Variants in ABHD1 observed in about 807,000 individuals in gnomAD.
ABHD1 encodes protein ABHD1.
In ABHD1, 47 loss-of-function variants were observed where a neutral mutation model predicts 41.4. The ratio of observed to expected loss-of-function variants is 1.13; its 90% confidence interval spans 0.90 to 1.45. ABHD1 has a LOEUF of 1.45. ABHD1 is among the 40% of genes most tolerant of loss of function. The probability of loss-of-function intolerance (pLI) is 0.00; values close to 1 mark genes in which losing one functional copy is unlikely to be tolerated. For synonymous variants in ABHD1, 205 were observed against 203.7 expected, an observed-to-expected ratio of 1.01 and a Z score of -0.05; for missense variants, 550 against 503.4, an observed-to-expected ratio of 1.09 and a Z score of -0.89.
chr2:27,125,269 T>C (rs1385496481), intron 1 of ABHD1: 1 of 152,232 alleles, frequency 6.6e-6, no homozygotes, highest in Non-Finnish European at 1.5e-5. Flanking sequence ...AGGAAACACT[T>C]TCCTTTACTT....
intron 1 of ABHD1, among the ~76,000 whole-genome samples, chr2:27,127,237 T>C (rs1558473126): frequency 3.8e-5 from 2 of 51,958 alleles, no homozygotes; most frequent in East Asian, 5.6e-4. Context: ...TAGCTTCATC[T>C]TTTTTTTTTT....
In ABHD1 at chr2:27,130,557, A is replaced by T; in HGVS notation, c.1031A>T (p.His344Leu). The T allele has an allele frequency of 6.2e-7, 1 of 1,612,904 alleles. No individual in the cohort carries two copies. The highest frequency in any genetic ancestry group is 8.5e-7 in the Non-Finnish European group (1 of 1,179,752). Residue 344 changes from histidine (H) to leucine (L), a missense_variant, in exon 9 of 9, where the codon CAC becomes CTC. Transcript: ENST00000316470. ...GCCCTTCCCATACAGGCCGCCCAACACTCCCCCTACGTTGCGCTGCTCATC... is the reference window on the plus strand; with the variant it reads ...GCCCTTCCCATACAGGCCGCCCAACTCTCCCCCTACGTTGCGCTGCTCATC... The part of the protein sequence containing the change: ...VCALPIQAAQ[H>L]SPYVALLITA...
At position 27,129,350 on chromosome 2, in the gene ABHD1, G is replaced by T. The variant is rs759831693; in HGVS notation, c.493G>T (p.Glu165Ter). 6.2e-7 allele frequency: 1 copy of T among 1,614,058 alleles called. No homozygotes were observed. The highest frequency in any genetic ancestry group is 1.1e-5 in the South Asian group (1 of 91,082). The stretch of plus-strand genomic sequence containing the variant: ...GTTTAACAACCGGGGCTGCCGTGGG[G>T]AGGAACTGCGGGTGAGTAGCTGCCT... ...VVFNNRGCRG[E>*]ELRTHRAFCA... The change falls in exon 4 of 9, where the codon GAG becomes TAG. Residue 165 changes from glutamate to a stop codon, truncating the protein, a stop_gained. Transcript: ENST00000316470. LOFTEE classifies it high-confidence loss of function.
Position 27,123,997 on chromosome 2 carries a change from T to C in ABHD1, c.49T>C (p.Phe17Leu), listed in dbSNP as rs773421825. ...SPQNGTWADT[F>L]SLLLALAVAL... ...CCAGAATGGCACCTGGGCAGACACC[T>C]TCTCTCTGCTCTTGGCTCTTGCCGT... Residue 17 changes from phenylalanine (F) to leucine (L), a missense_variant, in exon 1 of 9, where the codon TTC (phenylalanine) becomes CTC (leucine). By Grantham distance (22) the Phe-to-Leu change is conservative (BLOSUM62 0). Transcript: ENST00000316470. 1 of 1,614,214 alleles carries C rather than the reference T, an allele frequency of 6.2e-7. No individual in the cohort carries two copies. The highest frequency in any genetic ancestry group is 8.5e-7 in the Non-Finnish European group (1 of 1,180,020).
intron 2 of ABHD1, 78 bp downstream of exon 2, chr2:27,128,679 G>A: frequency 6.4e-7 from 1 of 1,569,978 alleles, no homozygotes; most frequent in Non-Finnish European, 8.7e-7. Flanking sequence ...TTAAAATGTA[G>A]GTAATCTGCC....
intron 6 of ABHD1, 87 bp from the exon 7 acceptor site, chr2:27,130,018 C>T: frequency 6.2e-7 from 1 of 1,609,814 alleles, no homozygotes; most frequent in South Asian, 1.1e-5. Context: ...TCTCTCTGGG[C>T]TTCCTCACAC....
rs370943231 is a variant in ABHD1, at chr2:27,130,642, C to T, written c.1116C>T (p.Tyr372=). ...GGCTGCTCCCGTGGCAGCACTGGTACATGAGCCGCCTCTTGCATCAGTACG... is the reference window on the plus strand; with the variant it reads ...GGCTGCTCCCGTGGCAGCACTGGTATATGAGCCGCCTCTTGCATCAGTACG... The part of the protein sequence containing the change: ...LEGLLPWQHW[Y]MSRLLHQYAK... The change falls in exon 9 of 9, where the codon TAC becomes TAT. Residue 372 remains tyrosine, a synonymous_variant. Transcript: ENST00000316470. 1.9e-6 allele frequency: 3 copies of T among 1,614,088 alleles called. No individual in the cohort carries two copies. Among genetic ancestry groups the T allele is most frequent in the Non-Finnish European group, 2.5e-6 (3 of 1,180,024 alleles).
rs185207547 is a variant in ABHD1 at position 27,126,987 on chromosome 2, A to G, written c.115-1454A>G. On this transcript the variant is annotated intron_variant, in intron 1 of 8. Transcript: ENST00000316470. ...ATTAGCCAGGTGTGGTGGCGGGCACATGTAGTCCCAGCTACTCGGGAGGCT... is the reference window on the plus strand; with the variant it reads ...ATTAGCCAGGTGTGGTGGCGGGCACGTGTAGTCCCAGCTACTCGGGAGGCT... The G allele has an allele frequency of 7.9e-3, 1,192 of 150,620 alleles. 11 individuals are homozygous for G. Among genetic ancestry groups the G allele is most frequent in the Middle Eastern group, 0.024 (7 of 290 alleles). The allele number at this position is 150,620 out of a possible 1,614,324, so 9.3% of individuals were successfully genotyped here.
chr2:27,125,752 T>C lies in ABHD1; in HGVS notation c.114+1690T>C, dbSNP rs1238047913. On this transcript the variant is annotated intron_variant, in intron 1 of 8. Coordinates refer to ENST00000316470, the MANE Select transcript of ABHD1 (RefSeq NM_032604.4). ...CCTATCTCTACTAAAAATACAAAAATTAGTTGGGTGTGGTGACGCAAGCCT... is the reference window on the plus strand; with the variant it reads ...CCTATCTCTACTAAAAATACAAAAACTAGTTGGGTGTGGTGACGCAAGCCT... The C allele has an allele frequency of 2.0e-5, 3 of 151,810 alleles. 1 individual carries two copies. Among genetic ancestry groups the C allele is most frequent in the Non-Finnish European group, 4.4e-5 (3 of 67,968 alleles). 9.4% of individuals were successfully genotyped at this position (151,810 alleles called of 1,614,324 possible).
At position 27,127,236 on chromosome 2, in the gene ABHD1, C is replaced by CTTT. The variant is rs61505752; in HGVS notation, c.115-1181_115-1179dup. ...TAGGAAGAAGACAGTGTAGCTTCAT[C>CTTT]TTTTTTTTTTTTTTTTTTTTTTTTT... On this transcript the variant is annotated intron_variant, in intron 1 of 8. Coordinates refer to ENST00000316470, the MANE Select transcript of ABHD1 (RefSeq NM_032604.4). Among the ~76,000 whole-genome samples, 385 of 82,740 alleles carry CTTT rather than the reference C, an allele frequency of 4.7e-3. 27 individuals are homozygous for CTTT. The highest frequency in any genetic ancestry group is 5.9e-3 in the Non-Finnish European group (251 of 42,230). 54.3% of individuals were successfully genotyped at this position (82,740 alleles called of 152,430 possible). A position where few individuals can be genotyped will look rare whatever the true frequency, so the allele number is the denominator to read the frequency against.
intron 1 of ABHD1, among the ~76,000 whole-genome samples, chr2:27,127,197 G>T (rs981761451): frequency 6.7e-6 from 1 of 148,480 alleles, no homozygotes; most frequent in African/African-American, 2.4e-5. Flanking sequence ...AGCCAGAGTG[G>T]CCAGAGTCAG....
intron 2 of ABHD1, 80 bp from the exon 3 acceptor site, chr2:27,128,865 T>C (rs1395393387): frequency 1.3e-6 from 2 of 1,487,996 alleles, no homozygotes; most frequent in African/African-American, 1.4e-5. Flanking sequence ...GACTTGTTTG[T>C]GGGTGGGGCA....
chr2:27,129,673 T>C, intron 5 of ABHD1, 47 bp downstream of exon 5: 1 of 1,609,440 alleles, frequency 6.2e-7, no homozygotes, highest in Non-Finnish European at 8.5e-7. Context: ...TTCCTTTTTT[T>C]CCTCCTCCAT....
At chr2:27,124,837 G>A (rs1671891169) in intron 1 of ABHD1, 2 of 153,848 alleles carry the variant, frequency 1.3e-5, no homozygotes, top group South Asian at 4.0e-4. Context: ...AGCATATATT[G>A]TTTACTAAAT....
intron 1 of ABHD1, among the ~76,000 whole-genome samples, chr2:27,127,135 G>A (rs1158172215): frequency 6.7e-6 from 1 of 148,348 alleles, no homozygotes; most frequent in Non-Finnish European, 1.5e-5. Context: ...TTGGCAGTGA[G>A]CAAGAACATT....
chr2:27,130,732 C>G lies in ABHD1; in HGVS notation c.1206C>G (p.Asp402Glu). 1 of 1,614,100 alleles carries G rather than the reference C, an allele frequency of 6.2e-7. No individual in the cohort carries two copies. The highest frequency in any genetic ancestry group is 8.5e-7 in the Non-Finnish European group (1 of 1,179,980). Residue 402 changes from aspartate to glutamate, a missense_variant, in exon 9 of 9, where the codon GAC (aspartate) becomes GAG (glutamate). By Grantham distance (45) the Asp-to-Glu change is conservative. Coordinates refer to ENST00000316470, the MANE Select transcript of ABHD1 (RefSeq NM_032604.4). ...TCAGGGCTCTCTTACCTTCTGAGGA[C>G]AGAAACAGCTGACAAGAGTACCATT... Reference protein sequence around the residue: ...PDLRALLPSEDRNS With the variant: ...PDLRALLPSEERNS
chr2:27,126,563 A>G (rs1671964260), intron 1 of ABHD1: 1 of 152,194 alleles, frequency 6.6e-6, no homozygotes, highest in Non-Finnish European at 1.5e-5. Context: ...CCTCCTTCAC[A>G]TGCCTTCCAC....
chr2:27,129,203 T>C, intron 3 of ABHD1, 76 bp downstream of exon 3: 6 of 1,591,698 alleles, frequency 3.8e-6, no homozygotes, highest in Non-Finnish European at 3.4e-6. Context: ...CGGACACTGA[T>C]AGATAAGAAG....
rs200617192 is a variant in ABHD1 at position 27,130,170 on chromosome 2, T to C, written c.840+17T>C. On this transcript the variant is annotated intron_variant, in intron 7 of 8. Transcript: ENST00000316470. ...GTACTACAGGTATAATATTCAGCCA[T>C]GCCCCTGGTTCCCCCAAATGAGTCT... 1.5e-5 allele frequency: 25 copies of C among 1,614,220 alleles called. No homozygotes were observed. The Admixed American group carries it at 3.5e-4, about 23-fold the overall frequency.
Sources: allele counts gnomAD v4.1 joint callset (sites outside exome capture counted in the v4.1 genomes callset), GRCh38; gene constraint gnomAD v4.1.1; transcripts MANE v1.5; gene names NCBI Gene and HGNC (gene_info 2026-07-23, HGNC 2026-07-21).